BMP8A: variants seen among roughly 807,000 people sequenced by gnomAD.
BMP8A encodes bone morphogenetic protein 8a.
Under a neutral mutation model 36.8 loss-of-function variants are expected in BMP8A, and 14 were observed. The observed-to-expected ratio is 0.38, with a 90% CI of 0.25 to 0.60. The LOEUF is 0.60. BMP8A is among the 20% of genes least tolerant of loss of function. The pLI is 0.63. For synonymous variants in BMP8A, 120 were observed against 237.7 expected (o/e 0.50, Z 4.55); for missense variants, 267 against 551.1 (o/e 0.48, Z 5.16).
At position 39,528,367 on chromosome 1, in the gene BMP8A, TC is replaced by T. The variant is rs1306398734; in HGVS notation, c.*2572del. On this transcript the variant is annotated 3_prime_UTR_variant, in exon 7 of 7. Transcript: ENST00000331593. Reference sequence around the variant, plus strand: ...AAGGTCATCTTCTGGCCTGGTTGCCTCCCACAGCCCAGGATGCATTCAAGGC... The same window carrying T: ...AAGGTCATCTTCTGGCCTGGTTGCCTCCACAGCCCAGGATGCATTCAAGGC... Among the ~76,000 whole-genome samples the T allele has an allele frequency of 2.6e-5, 4 of 152,164 alleles. No individual in the cohort carries two copies. Among genetic ancestry groups the T allele is most frequent in the Admixed American group, 2.6e-4 (4 of 15,272 alleles).
In BMP8A at chr1:39,523,030, C is replaced by G. The variant is rs760173059; in HGVS notation, c.972C>G (p.Gly324=). ...AGGACTGGGTCATCGCCCCCCAAGG[C>G]TACTCAGCCTATTACTGTGAGGGGG... ...GWLDWVIAPQ[G]YSAYYCEGEC... The change falls in exon 6 of 7, where the codon GGC becomes GGG. Residue 324 remains glycine (G), a synonymous_variant. Coordinates refer to ENST00000331593, the MANE Select transcript of BMP8A (RefSeq NM_181809.4). 5 of 1,612,960 alleles carry G rather than the reference C, an allele frequency of 3.1e-6. No homozygotes were observed. In the African/African-American group the frequency reaches 6.7e-5, roughly 22 times the overall value.
chr1:39,505,263 T>C (rs1482295731), intron 1 of BMP8A, among the ~76,000 whole-genome samples: 1 of 152,182 alleles, frequency 6.6e-6, no homozygotes, highest in Non-Finnish European at 1.5e-5. Flanking sequence ...ACCCAGACTT[T>C]CTTGGGCAGA....
chr1:39,509,853 G>A (rs1000828903), intron 1 of BMP8A, among the ~76,000 whole-genome samples: 6 of 152,234 alleles, frequency 3.9e-5, no homozygotes, highest in African/African-American at 1.2e-4. Context: ...CCTGCTTTCC[G>A]GAAACACAGA....
intron 3 of BMP8A, chr1:39,514,899 G>C (rs1046187775): frequency 7.0e-7 from 1 of 1,423,274 alleles, no homozygotes; most frequent in Non-Finnish European, 9.2e-7. Context: ...GTGACGCGCG[G>C]CCCGAGGCGC....
Position 39,527,845 on chromosome 1 carries a change from A to G in BMP8A, c.*2047A>G, listed in dbSNP as rs533046475. On this transcript the variant is annotated 3_prime_UTR_variant, in exon 7 of 7. Coordinates refer to ENST00000331593, the MANE Select transcript of BMP8A (RefSeq NM_181809.4). The stretch of plus-strand genomic sequence containing the variant: ...AGTTTCTCATCTGCAACATGAGGAC[A>G]TAGGACTCTTTAATTCCAAAGGCTC... Among the ~76,000 whole-genome samples the G allele has an allele frequency of 5.9e-5, 9 of 152,202 alleles. No homozygotes were observed. The highest frequency in any genetic ancestry group is 1.2e-4 in the Non-Finnish European group (8 of 68,030).
In BMP8A at chr1:39,528,726, C is replaced by T. The variant is rs1267572786; in HGVS notation, c.*2928C>T. Among the ~76,000 whole-genome samples, 1 of 145,364 alleles carries T rather than the reference C, an allele frequency of 6.9e-6. No homozygotes were observed. Among genetic ancestry groups the T allele is most frequent in the Non-Finnish European group, 1.5e-5 (1 of 66,926 alleles). On this transcript the variant is annotated 3_prime_UTR_variant, in exon 7 of 7. Transcript: ENST00000331593. ...TTTTTTTTTTTTTTTTAAAGACATA[C>T]ATGGTCTTGCTTTGTCGCCCAGGCT...
chr1:39,499,834 G>T (rs1422166252), intron 1 of BMP8A, among the ~76,000 whole-genome samples: 1 of 152,222 alleles, frequency 6.6e-6, no homozygotes, highest in Non-Finnish European at 1.5e-5. Context: ...CAGCTGGTGT[G>T]TCTCACTGGA....
intron 6 of BMP8A, chr1:39,523,611 T>C: frequency 1.4e-6 from 2 of 1,435,856 alleles, no homozygotes; most frequent in Non-Finnish European, 9.1e-7. Context: ...GCTCTCAACC[T>C]TTTGGCTTTT....
At chr1:39,519,782 G>A (rs533748588) in intron 3 of BMP8A, among the ~76,000 whole-genome samples, 136 of 150,844 alleles carry the variant, frequency 9.0e-4, no homozygotes, top group Middle Eastern at 3.4e-3. Flanking sequence ...CTGTCTGAGC[G>A]TATGTGCATC....
At chr1:39,519,513 C>A (rs1056478588) in intron 3 of BMP8A, among the ~76,000 whole-genome samples, 2 of 145,670 alleles carry the variant, frequency 1.4e-5, no homozygotes, top group African/African-American at 4.9e-5. Flanking sequence ...CCTGTCTCAG[C>A]AGCTCTTGTC....
chr1:39,526,698 G>A lies in BMP8A; in HGVS notation c.*900G>A, dbSNP rs370312164. On this transcript the variant is annotated 3_prime_UTR_variant, in exon 7 of 7. Transcript: ENST00000331593. Reference sequence around the variant, plus strand: ...CCTGGGCCTGCCCCTTCTCCTGCCTGGGAAAGAGGTATGACTCCCACAGGA... The same window carrying A: ...CCTGGGCCTGCCCCTTCTCCTGCCTAGGAAAGAGGTATGACTCCCACAGGA... Among the ~76,000 whole-genome samples the A allele has an allele frequency of 3.7e-4, 56 of 152,226 alleles. No individual in the cohort carries two copies. Among genetic ancestry groups the A allele is most frequent in the African/African-American group, 1.3e-3 (54 of 41,530 alleles).
At chr1:39,509,433 GA>G (rs777373662) in intron 1 of BMP8A, among the ~76,000 whole-genome samples, 10 of 152,314 alleles carry the variant, frequency 6.6e-5, no homozygotes, top group Non-Finnish European at 1.5e-4. Flanking sequence ...TGCCATCAGT[GA>G]TCTCTGCCTA....
Position 39,525,951 on chromosome 1 carries a change from CG to C in BMP8A, c.*155del. The C allele has an allele frequency of 7.5e-7, 1 of 1,333,148 alleles. No individual in the cohort carries two copies. The highest frequency in any genetic ancestry group is 1.0e-6 in the Non-Finnish European group (1 of 982,924). 82.6% of individuals were successfully genotyped at this position (1,333,148 alleles called of 1,614,324 possible). ...TCCTGTCAGGCTTCTGGTCCTTTCTCGGTACCTCTGTGCCCCTCCCCTGGGG... is the reference window on the plus strand; with the variant it reads ...TCCTGTCAGGCTTCTGGTCCTTTCTCGTACCTCTGTGCCCCTCCCCTGGGG... On this transcript the variant is annotated 3_prime_UTR_variant, in exon 7 of 7. Coordinates refer to ENST00000331593, the MANE Select transcript of BMP8A (RefSeq NM_181809.4).
chr1:39,500,539 G>C (rs1025392582), intron 1 of BMP8A, among the ~76,000 whole-genome samples: 1 of 150,842 alleles, frequency 6.6e-6, no homozygotes, highest in Non-Finnish European at 1.5e-5. Context: ...GTTTGATAGT[G>C]ATGATGATGA....
intron 3 of BMP8A, chr1:39,514,828 G>C (rs964946137): frequency 2.5e-6 from 3 of 1,193,382 alleles, no homozygotes; most frequent in African/African-American, 3.2e-5. Flanking sequence ...TAGAGCCTGC[G>C]CCTGGCCGGG....
intron 6 of BMP8A, chr1:39,523,663 C>A (rs1453189525): frequency 2.1e-6 from 3 of 1,446,496 alleles, no homozygotes; most frequent in Non-Finnish European, 2.7e-6. Context: ...TTCTCTGGAT[C>A]CCCTGGCTTT....
At chr1:39,502,249 A>C (rs1645260170) in intron 1 of BMP8A, among the ~76,000 whole-genome samples, 1 of 141,428 alleles carries the variant, frequency 7.1e-6, no homozygotes, top group African/African-American at 2.5e-5. Flanking sequence ...AAAAAAAAAA[A>C]AAGAAAAGGA....
At chr1:39,523,254 G>A (rs1226241571) in intron 6 of BMP8A, 137 bp downstream of exon 6, 6 of 1,067,968 alleles carry the variant, frequency 5.6e-6, no homozygotes, top group South Asian at 3.0e-5. Context: ...AGTCAGTAAC[G>A]TCGCTAACTT....
intron 6 of BMP8A, among the ~76,000 whole-genome samples, chr1:39,523,348 T>C (rs185621478): frequency 2.8e-3 from 420 of 152,262 alleles, no homozygotes; most frequent in African/African-American, 9.6e-3. Context: ...ACGTGAACAG[T>C]CGCGTATGCA....
Sources: gnomAD v4.1 joint callset for allele counts (sites outside exome capture counted in the v4.1 genomes callset) on GRCh38, gnomAD v4.1.1 for gene constraint, MANE v1.5 for transcripts, NCBI Gene and HGNC (gene_info 2026-07-23, HGNC 2026-07-21) for gene names.